The following RUNX2 variants were observed in gnomAD, a reference collection of about 807,000 sequenced individuals.
The protein encoded by RUNX2 is runt-related transcription factor 2.
In RUNX2, 10 loss-of-function variants were observed where a neutral mutation model predicts 51.7. The observed-to-expected ratio is 0.19, with a 90% CI of 0.12 to 0.33. RUNX2 has a LOEUF of 0.33. Ranked by LOEUF, RUNX2 falls within the 10% of genes least tolerant of loss-of-function variation. RUNX2 has a pLI of 1.00. For missense variants in RUNX2, 562 were observed against 691.3 expected (o/e 0.81, Z 2.10); for synonymous variants, 276 against 273.6 (o/e 1.01, Z -0.09).
intron 5 of RUNX2, among the ~76,000 whole-genome samples, chr6:45,467,462 A>G (rs1799666939): frequency 6.6e-6 from 1 of 152,010 alleles, no homozygotes. Context: ...GTGTATTTTT[A>G]GTAGAGGTGG....
intron 2 of RUNX2, among the ~76,000 whole-genome samples, chr6:45,356,451 G>T (rs1348585259): frequency 1.3e-5 from 2 of 151,708 alleles, no homozygotes; most frequent in East Asian, 3.9e-4. Context: ...AGGCTGGAGT[G>T]CAGTGGCGCA....
intron 2 of RUNX2, among the ~76,000 whole-genome samples, chr6:45,339,609 A>C (rs931745404): frequency 6.6e-6 from 1 of 151,610 alleles, no homozygotes; most frequent in Non-Finnish European, 1.5e-5. Context: ...AATAAGGAAA[A>C]TAAGAAGTAC....
chr6:45,369,621 GAC>G (rs780912821), intron 2 of RUNX2, among the ~76,000 whole-genome samples: 1 of 151,914 alleles, frequency 6.6e-6, no homozygotes, highest in Non-Finnish European at 1.5e-5. Context: ...TTATAATAAA[GAC>G]ACACTCTTAT....
At chr6:45,356,525 G>A (rs965106457) in intron 2 of RUNX2, among the ~76,000 whole-genome samples, 2 of 151,964 alleles carry the variant, frequency 1.3e-5, no homozygotes, top group Non-Finnish European at 2.9e-5. Context: ...AGCCTCCTGA[G>A]TAGCTGGGAT....
rs747380594 is a variant in RUNX2, at chr6:45,546,920, A to G, written c.1181A>G (p.Tyr394Cys). ...ESRFSNPRMH[Y>C]PATFTYTPPV... ...CGCTTCTCCAACCCACGAATGCACT[A>G]TCCAGCCACCTTTACTTACACCCCG... is the stretch of plus-strand genomic sequence containing the variant. The change falls in exon 9 of 9, where the codon TAT (tyrosine) becomes TGT (cysteine). Residue 394 changes from tyrosine (Y) to cysteine (C), a missense_variant. Physicochemically the swap from Tyr to Cys is radical, Grantham distance 194. This residue lies in a region of RUNX2 where 304 missense variants were observed against 353.2 expected (regional missense o/e 0.86). Transcript: ENST00000647337. 1 of 1,613,728 alleles carries G rather than the reference A, an allele frequency of 6.2e-7. No individual in the cohort carries two copies. The highest frequency in any genetic ancestry group is 1.3e-5 in the African/African-American group (1 of 74,816).
intron 2 of RUNX2, among the ~76,000 whole-genome samples, chr6:45,402,665 A>C (rs1797738455): frequency 6.6e-6 from 1 of 152,164 alleles, no homozygotes; most frequent in African/African-American, 2.4e-5. Context: ...CCGGGAGTTC[A>C]AGACCGGCCT....
chr6:45,472,142 T>A (rs1421754483), intron 5 of RUNX2, among the ~76,000 whole-genome samples: 1 of 152,140 alleles, frequency 6.6e-6, no homozygotes, highest in Non-Finnish European at 1.5e-5. Context: ...AATTTCAAGA[T>A]TTTTAGTTTA....
chr6:45,444,969 T>G (rs1346591062), intron 5 of RUNX2, among the ~76,000 whole-genome samples: 2 of 152,154 alleles, frequency 1.3e-5, no homozygotes, highest in Non-Finnish European at 2.9e-5. Context: ...GGAATAGACT[T>G]TTTATGCCAA....
At chr6:45,386,656 G>A (rs1341980466) in intron 2 of RUNX2, among the ~76,000 whole-genome samples, 2 of 152,276 alleles carry the variant, frequency 1.3e-5, no homozygotes, top group South Asian at 2.1e-4. Context: ...CATTATTGTC[G>A]TTACTGTTGA....
At chr6:45,528,038 C>A (rs1048475601) in intron 7 of RUNX2, among the ~76,000 whole-genome samples, 11 of 152,152 alleles carry the variant, frequency 7.2e-5, no homozygotes, top group African/African-American at 2.7e-4. Context: ...GCACATCTTA[C>A]ATGGTGGCAG....
chr6:45,531,954 G>T (rs1461660269), intron 7 of RUNX2, among the ~76,000 whole-genome samples: 2 of 152,046 alleles, frequency 1.3e-5, no homozygotes, highest in Non-Finnish European at 2.9e-5. Context: ...AGCTCACGTG[G>T]TATCTCCCAT....
At chr6:45,341,308 T>C (rs974180165) in intron 2 of RUNX2, among the ~76,000 whole-genome samples, 2 of 152,170 alleles carry the variant, frequency 1.3e-5, no homozygotes, top group South Asian at 4.1e-4. Context: ...TATGATATGA[T>C]ACATGAGATA....
chr6:45,549,577 G>C lies in RUNX2; in HGVS notation c.*2272G>C. 2.5e-6 allele frequency: 1 copy of C among 392,614 alleles called. No homozygotes were observed. The highest frequency in any genetic ancestry group is 4.5e-6 in the Non-Finnish European group (1 of 222,580). 24.3% of individuals were successfully genotyped at this position (392,614 alleles called of 1,614,324 possible). A position where few individuals can be genotyped will look rare whatever the true frequency, so the allele number is the denominator to read the frequency against. ...GTGTGGTAGCTTGAAGCACACCACTGTCCATTTATTTGTAAGTGTAAAATA... is the reference window on the plus strand; with the variant it reads ...GTGTGGTAGCTTGAAGCACACCACTCTCCATTTATTTGTAAGTGTAAAATA... On this transcript the variant is annotated 3_prime_UTR_variant, in exon 9 of 9. Coordinates refer to ENST00000647337, the MANE Select transcript of RUNX2 (RefSeq NM_001024630.4).
At chr6:45,332,722 GA>G (rs1182758957) in intron 2 of RUNX2, among the ~76,000 whole-genome samples, 10 of 151,508 alleles carry the variant, frequency 6.6e-5, no homozygotes, top group African/African-American at 2.4e-4. Context: ...AAAAACATGT[GA>G]CCAAATAGAC....
intron 2 of RUNX2, among the ~76,000 whole-genome samples, chr6:45,419,867 GAAT>G (rs1798142233): frequency 6.6e-6 from 1 of 151,958 alleles, no homozygotes; most frequent in Non-Finnish European, 1.5e-5. Flanking sequence ...CGGTGGCGCA[GAAT>G]CGCTTCTCGG....
At chr6:45,375,690 T>C (rs1326887284) in intron 2 of RUNX2, among the ~76,000 whole-genome samples, 2 of 152,178 alleles carry the variant, frequency 1.3e-5, no homozygotes, top group Non-Finnish European at 2.9e-5. Context: ...ATTACAAGCA[T>C]GAGCCAACGT....
At chr6:45,378,777 A>AT (rs1286456340) in intron 2 of RUNX2, among the ~76,000 whole-genome samples, 1 of 151,608 alleles carries the variant, frequency 6.6e-6, no homozygotes, top group Non-Finnish European at 1.5e-5. Context: ...ATTGATATAG[A>AT]TGTAGTTCTT....
At chr6:45,371,889 G>T in intron 2 of RUNX2, 1 of 943,506 alleles carries the variant, frequency 1.1e-6, no homozygotes, top group African/African-American at 1.8e-5. Context: ...CATTTTTCAG[G>T]TGAGGAACTG....
chr6:45,414,299 T>G (rs1390990923), intron 2 of RUNX2, among the ~76,000 whole-genome samples: 2 of 152,174 alleles, frequency 1.3e-5, no homozygotes, highest in African/African-American at 4.8e-5. Context: ...CTTGGCTGCT[T>G]GTAGCCAAGC....
Sources: gnomAD v4.1 joint callset for allele counts (sites outside exome capture counted in the v4.1 genomes callset) on GRCh38, gnomAD v4.1.1 for gene constraint, gnomAD v4.1.1 regional missense constraint, MANE v1.5 for transcripts, NCBI Gene and HGNC (gene_info 2026-07-23, HGNC 2026-07-21) for gene names.